NUP98: variants seen among roughly 807,000 people sequenced by gnomAD.
The protein encoded by NUP98 is nuclear pore complex protein Nup98-Nup96.
In NUP98, 26 loss-of-function variants were observed where a neutral mutation model predicts 191.9. The observed-to-expected ratio is 0.14, with a 90% confidence interval of 0.10 to 0.19. NUP98 has a LOEUF of 0.19. NUP98 is among the 10% of genes least tolerant of loss of function. The probability of loss-of-function intolerance (pLI) is 1.00; values close to 1 mark genes in which losing one functional copy is unlikely to be tolerated. For missense variants in NUP98, 1,941 were observed against 2,178.8 expected, an observed-to-expected ratio of 0.89 and a Z score of 2.17; for synonymous variants, 808 against 778.4, an observed-to-expected ratio of 1.04 and a Z score of -0.63.
Position 3,701,888 on chromosome 11 carries a change from C to T in NUP98, c.3512+575G>A, listed in dbSNP as rs1468293919. 4.0e-5 allele frequency among the ~76,000 whole-genome samples: 6 copies of T among 151,894 alleles called. 1 individual carries two copies. Among genetic ancestry groups the T allele is most frequent in the Non-Finnish European group, 5.9e-5 (4 of 67,968 alleles). On this transcript the variant is annotated intron_variant, in intron 23 of 32. Transcript: ENST00000324932. ...ATTTTTAGTAGAGACAGAGTTTCAC[C>T]GTGTTAGCCAGGATGGTCTCAATCT... is the stretch of plus-strand genomic sequence containing the variant.
chr11:3,718,578 A>G (rs1294786812), intron 18 of NUP98, among the ~76,000 whole-genome samples: 1 of 152,090 alleles, frequency 6.6e-6, no homozygotes, highest in African/African-American at 2.4e-5. Flanking sequence ...AGAAAGGGAA[A>G]AGAAAAGAAG....
chr11:3,695,634 T>G (rs1283777864), intron 25 of NUP98, 28 bp from the exon 26 acceptor site: 4 of 1,509,658 alleles, frequency 2.6e-6, no homozygotes, highest in Non-Finnish European at 3.6e-6. Flanking sequence ...GTTTTTTGGT[T>G]ATTACTAAGG....
chr11:3,682,951 AAATAAT>A (rs143428849), intron 30 of NUP98, among the ~76,000 whole-genome samples: 3 of 152,204 alleles, frequency 2.0e-5, no homozygotes, highest in African/African-American at 7.2e-5. Flanking sequence ...AAACAAATTA[AAATAAT>A]AATAATATTA....
intron 18 of NUP98, among the ~76,000 whole-genome samples, chr11:3,718,462 G>A (rs564139572): frequency 6.6e-6 from 1 of 152,176 alleles, no homozygotes; most frequent in East Asian, 1.9e-4. Flanking sequence ...CTTGAACCCA[G>A]GGGGCAGAGG....
At chr11:3,747,301 A>AGGC (rs2080542350) in intron 11 of NUP98, among the ~76,000 whole-genome samples, 1 of 152,202 alleles carries the variant, frequency 6.6e-6, no homozygotes, top group Non-Finnish European at 1.5e-5. Flanking sequence ...AAATTGTTAG[A>AGGC]ATTTAAATTT....
chr11:3,753,808 G>A (rs2080857628), intron 10 of NUP98, among the ~76,000 whole-genome samples: 1 of 140,270 alleles, frequency 7.1e-6, no homozygotes, highest in Middle Eastern at 4.1e-3. Context: ...GTATGACGGT[G>A]CGTGCCTGTA....
chr11:3,763,156 A>C, intron 8 of NUP98, 117 bp from the exon 9 acceptor site: 1 of 883,876 alleles, frequency 1.1e-6, no homozygotes, highest in Non-Finnish European at 1.7e-6. Flanking sequence ...TATTAGGCTA[A>C]ATAACTTATA....
At chr11:3,741,556 T>A (rs892701632) in intron 12 of NUP98, among the ~76,000 whole-genome samples, 4 of 151,658 alleles carry the variant, frequency 2.6e-5, no homozygotes, top group Non-Finnish European at 1.5e-5. Context: ...AGGAGGCGGA[T>A]ATAGAAGTGA....
At chr11:3,793,527 C>G (rs71480411) in intron 1 of NUP98, among the ~76,000 whole-genome samples, 1 of 151,930 alleles carries the variant, frequency 6.6e-6, no homozygotes, top group Non-Finnish European at 1.5e-5. Context: ...ACCTTGTGAT[C>G]CACCCGCTTC....
At chr11:3,733,440 T>G (rs758714146) in intron 13 of NUP98, among the ~76,000 whole-genome samples, 1 of 152,200 alleles carries the variant, frequency 6.6e-6, no homozygotes, top group Non-Finnish European at 1.5e-5. Flanking sequence ...GCCTCACGAA[T>G]AGCTGGGATT....
Position 3,676,132 on chromosome 11 carries a change from G to A in NUP98, c.*27C>T, listed in dbSNP as rs759005442. 6.2e-7 allele frequency: 1 copy of A among 1,604,136 alleles called. No individual in the cohort carries two copies. Among genetic ancestry groups the A allele is most frequent in the African/African-American group, 1.3e-5 (1 of 74,716 alleles). Reference sequence around the variant, plus strand: ...ACCTCTGTGTGGTGTGAATGGGCATGTGACTGTGATGCAAAGTGCCTGGGG... The same window carrying A: ...ACCTCTGTGTGGTGTGAATGGGCATATGACTGTGATGCAAAGTGCCTGGGG... On this transcript the variant is annotated 3_prime_UTR_variant, in exon 33 of 33. Coordinates refer to ENST00000324932, the MANE Select transcript of NUP98 (RefSeq NM_016320.5).
chr11:3,754,867 G>A (rs550413161), intron 10 of NUP98, among the ~76,000 whole-genome samples: 1 of 150,302 alleles, frequency 6.7e-6, no homozygotes, highest in Non-Finnish European at 1.5e-5. Context: ...GCTTAAACCC[G>A]GGAGGCAGAG....
chr11:3,702,407 G>GC (rs1554888561), intron 23 of NUP98, 56 bp downstream of exon 23: 1 of 1,359,616 alleles, frequency 7.4e-7, no homozygotes, highest in Non-Finnish European at 1.0e-6. Context: ...CTCCTGATTA[G>GC]TTTTTTTCAC....
intron 8 of NUP98, among the ~76,000 whole-genome samples, chr11:3,768,122 T>C (rs1462968019): frequency 6.6e-6 from 1 of 152,074 alleles, no homozygotes; most frequent in Admixed American, 6.6e-5. Flanking sequence ...GTCTTAATTA[T>C]TCTAAGACTT....
chr11:3,770,575 A>G (rs11029706), intron 7 of NUP98, among the ~76,000 whole-genome samples: 6,157 of 149,384 alleles, frequency 0.041, 329 homozygotes, highest in East Asian at 0.26. Context: ...GTGTGTGTGT[A>G]TGTACATCTC....
intron 14 of NUP98, among the ~76,000 whole-genome samples, chr11:3,727,600 C>A (rs925680795): frequency 6.6e-6 from 1 of 151,936 alleles, no homozygotes; most frequent in Non-Finnish European, 1.5e-5. Flanking sequence ...TGGTGGGTTT[C>A]GCTGTAATTT....
intron 11 of NUP98, 50 bp from the exon 12 acceptor site, chr11:3,744,699 G>A (rs766024534): frequency 6.4e-7 from 1 of 1,561,982 alleles, no homozygotes; most frequent in Admixed American, 2.1e-5. Context: ...TCCTTTCAAT[G>A]TTGTGCCAGA....
intron 18 of NUP98, among the ~76,000 whole-genome samples, chr11:3,715,152 ATTTG>A (rs2079140149): frequency 6.6e-6 from 1 of 152,076 alleles, no homozygotes; most frequent in South Asian, 2.1e-4. Context: ...ACACATGGCA[ATTTG>A]TTTCTTATTA....
At chr11:3,795,932 G>A (rs2082525215) in intron 1 of NUP98, among the ~76,000 whole-genome samples, 1 of 152,166 alleles carries the variant, frequency 6.6e-6, no homozygotes, top group Non-Finnish European at 1.5e-5. Context: ...GATGTGTACA[G>A]AACCAAGTGT....
Sources: gnomAD v4.1 joint callset for allele counts (sites outside exome capture counted in the v4.1 genomes callset) on GRCh38, gnomAD v4.1.1 for gene constraint, MANE v1.5 for transcripts, NCBI Gene and HGNC (gene_info 2026-07-23, HGNC 2026-07-21) for gene names.